The following AHCYL2 variants were observed in gnomAD, a reference collection of about 807,000 sequenced individuals.
The protein encoded by AHCYL2 is adenosylhomocysteinase like 2.
A neutral mutation model predicts 81.4 loss-of-function variants in AHCYL2; 28 were observed. The observed-to-expected ratio is 0.34, with a 90% CI of 0.25 to 0.47. The LOEUF is 0.47. Among genes scored for constraint, AHCYL2 ranks in the 20% least tolerant of loss-of-function variants. The pLI, the probability that AHCYL2 is intolerant of heterozygous loss-of-function variation, is 1.00. For synonymous variants in AHCYL2, 272 were observed against 290.2 expected (o/e 0.94, Z 0.64); for missense variants, 551 against 785.1 (o/e 0.70, Z 3.56).
At chr7:129,357,947 AAG>A (rs1793793872) in intron 1 of AHCYL2, among the ~76,000 whole-genome samples, 1 of 151,578 alleles carries the variant, frequency 6.6e-6, no homozygotes, top group Admixed American at 6.6e-5. Flanking sequence ...AAAAAAAAAA[AAG>A]AAAGTGGGGC....
chr7:129,255,058 C>T (rs572722031), intron 1 of AHCYL2, among the ~76,000 whole-genome samples: 5 of 151,770 alleles, frequency 3.3e-5, no homozygotes, highest in Admixed American at 1.3e-4. Context: ...GTCAGGAGTT[C>T]GAGACTAGCC....
chr7:129,324,043 G>A (rs904236826), intron 1 of AHCYL2, among the ~76,000 whole-genome samples: 3 of 91,278 alleles, frequency 3.3e-5, no homozygotes, highest in South Asian at 4.6e-4. Context: ...GCTAATTTTT[G>A]TATTTTTGTA....
intron 1 of AHCYL2, among the ~76,000 whole-genome samples, chr7:129,244,535 C>T (rs1794980922): frequency 6.6e-6 from 1 of 152,088 alleles, no homozygotes; most frequent in Non-Finnish European, 1.5e-5. Context: ...TCTGGTGTGG[C>T]CTAGCTAACT....
intron 15 of AHCYL2, 104 bp downstream of exon 15, chr7:129,425,245 G>T (rs547091384): frequency 6.9e-5 from 66 of 957,900 alleles, no homozygotes; most frequent in Non-Finnish European, 9.8e-5. Context: ...GGGAAAAAAG[G>T]TACCTTCATC....
chr7:129,406,275 A>G lies in AHCYL2; in HGVS notation c.1207-103A>G. The G allele has an allele frequency of 1.0e-6, 1 of 984,036 alleles. No individual in the cohort carries two copies. The highest frequency in any genetic ancestry group is 1.6e-6 in the Non-Finnish European group (1 of 635,780). 61.0% of individuals were successfully genotyped at this position (984,036 alleles called of 1,614,324 possible). On this transcript the variant is annotated intron_variant, in intron 9 of 16. Transcript: ENST00000325006. This position sits in a 1 kb window ranked among gnomAD's most constrained non-coding sequence, Gnocchi z 4.3. Reference sequence around the variant, plus strand: ...CCCAAGTATGAATCTATTCAGTGAAATTCCTCTCGGGGGTGGAAAGAGGGG... The same window carrying G: ...CCCAAGTATGAATCTATTCAGTGAAGTTCCTCTCGGGGGTGGAAAGAGGGG...
chr7:129,416,563 C>T (rs1351163789), intron 12 of AHCYL2, among the ~76,000 whole-genome samples: 1 of 151,908 alleles, frequency 6.6e-6, no homozygotes, highest in Non-Finnish European at 1.5e-5. Flanking sequence ...TTTGAGAGGC[C>T]GAGACGGGTG....
intron 1 of AHCYL2, among the ~76,000 whole-genome samples, chr7:129,231,740 T>C (rs914029437): frequency 6.6e-6 from 1 of 152,204 alleles, no homozygotes; most frequent in African/African-American, 2.4e-5. Context: ...TGGCCTGCGA[T>C]TTGGTGAGAG....
intron 1 of AHCYL2, among the ~76,000 whole-genome samples, chr7:129,284,295 T>C (rs1183613749): frequency 6.6e-6 from 1 of 151,964 alleles, no homozygotes; most frequent in Non-Finnish European, 1.5e-5. Context: ...GTAGGTGGGA[T>C]GGAAAAAGCT....
chr7:129,352,591 G>GACA (rs1252931167), intron 1 of AHCYL2, among the ~76,000 whole-genome samples: 1 of 152,076 alleles, frequency 6.6e-6, no homozygotes, highest in Non-Finnish European at 1.5e-5. Flanking sequence ...AACTAGAATT[G>GACA]AAGTCATTAT....
At chr7:129,375,875 G>A (rs973921495) in intron 1 of AHCYL2, 4 of 1,535,928 alleles carry the variant, frequency 2.6e-6, no homozygotes, top group Non-Finnish European at 3.5e-6. Flanking sequence ...TCACTATGCT[G>A]GGCAGCAAGA....
intron 3 of AHCYL2, 73 bp downstream of exon 3, chr7:129,389,272 C>G (rs1795349782): frequency 6.4e-7 from 1 of 1,567,066 alleles, no homozygotes; most frequent in East Asian, 2.3e-5. Context: ...CTTTTTATGT[C>G]TGGGGTCTGG....
chr7:129,269,088 A>G (rs1379458928), intron 1 of AHCYL2, among the ~76,000 whole-genome samples: 1 of 151,174 alleles, frequency 6.6e-6, no homozygotes, highest in African/African-American at 2.4e-5. Flanking sequence ...TTTGGCTTTC[A>G]AAGTTTCTTT....
At position 129,340,028 on chromosome 7, in the gene AHCYL2, T is replaced by C. The variant is rs529326765; in HGVS notation, c.364-39610T>C. Among the ~76,000 whole-genome samples, 428 of 150,176 alleles carry C rather than the reference T, an allele frequency of 2.8e-3. 4 individuals are homozygous for C. The highest frequency in any genetic ancestry group is 4.8e-3 in the Non-Finnish European group (323 of 67,444). On this transcript the variant is annotated intron_variant, in intron 1 of 16. Transcript: ENST00000325006. The stretch of plus-strand genomic sequence containing the variant: ...CCGCCTCCCGGGTTCACGCCATTCT[T>C]CTGCCTCAGCCTCCCTAGCAGCTGG...
intron 1 of AHCYL2, among the ~76,000 whole-genome samples, chr7:129,346,339 G>C (rs1011209672): frequency 6.6e-6 from 1 of 152,140 alleles, no homozygotes; most frequent in Non-Finnish European, 1.5e-5. Context: ...GGTATCAAAA[G>C]AATGAGAAGA....
At position 129,406,016 on chromosome 7, in the gene AHCYL2, G is replaced by T; in HGVS notation, c.1206+117G>T. On this transcript the variant is annotated intron_variant, in intron 9 of 16. Transcript: ENST00000325006. The surrounding 1 kb of genome is among the most constrained non-coding windows in gnomAD (Gnocchi z 4.3). ...CCTTTACCACTTTAGATGAGAAAAA[G>T]AATTTCAGAGGCCTTCTGGTTGAAG... 1.1e-6 allele frequency: 1 copy of T among 907,498 alleles called. No individual in the cohort carries two copies. The highest frequency in any genetic ancestry group is 1.7e-6 in the Non-Finnish European group (1 of 597,320). 56.2% of individuals were successfully genotyped at this position (907,498 alleles called of 1,614,324 possible).
At chr7:129,420,200 T>G (rs746430881) in intron 12 of AHCYL2, among the ~76,000 whole-genome samples, 28 of 152,260 alleles carry the variant, frequency 1.8e-4, no homozygotes, top group Non-Finnish European at 1.2e-4. Flanking sequence ...TCCTTGATTC[T>G]GCCATACCTT....
At position 129,428,122 on chromosome 7, in the gene AHCYL2, A is replaced by C. The variant is rs1223599033; in HGVS notation, c.*1077A>C. The C allele has an allele frequency of 2.0e-5, 3 of 152,234 alleles. No individual in the cohort carries two copies. The highest frequency in any genetic ancestry group is 7.2e-5 in the African/African-American group (3 of 41,468). 9.4% of individuals were successfully genotyped at this position (152,234 alleles called of 1,614,324 possible). On this transcript the variant is annotated 3_prime_UTR_variant, in exon 17 of 17. Transcript: ENST00000325006. ...TGCAGTTTGACTGGCTGAGGGATAC[A>C]GAGATGAAATTGTAAACTGTATCCA...
chr7:129,373,952 C>A (rs1232001095), intron 1 of AHCYL2, among the ~76,000 whole-genome samples: 1 of 152,062 alleles, frequency 6.6e-6, no homozygotes, highest in South Asian at 2.1e-4. Flanking sequence ...ATTTCTGTTT[C>A]CATTTCTGGT....
intron 2 of AHCYL2, among the ~76,000 whole-genome samples, chr7:129,382,346 T>A (rs1794996163): frequency 6.6e-6 from 1 of 152,218 alleles, no homozygotes; most frequent in Non-Finnish European, 1.5e-5. Context: ...ATGCCTGTAA[T>A]TCCAGCAATT....
Sources: gnomAD v4.1 joint callset for allele counts (sites outside exome capture counted in the v4.1 genomes callset) on GRCh38, gnomAD v4.1.1 for gene constraint, Gnocchi (gnomAD v3.1) non-coding constraint, MANE v1.5 for transcripts, NCBI Gene and HGNC (gene_info 2026-07-23, HGNC 2026-07-21) for gene names.